Variants in IGF1R observed in about 807,000 individuals in gnomAD.
IGF1R encodes the protein insulin like growth factor 1 receptor, also known as insulin-like growth factor 1 receptor.
In IGF1R, 44 loss-of-function variants were observed where a neutral mutation model predicts 144.6. The observed-to-expected ratio is 0.30, with a 90% CI of 0.24 to 0.39. IGF1R has a LOEUF of 0.39. Ranked by LOEUF, IGF1R falls within the 10% of genes least tolerant of loss-of-function variation. IGF1R has a pLI of 1.00. For synonymous variants in IGF1R, 795 were observed against 722.8 expected (o/e 1.10, Z -1.60); for missense variants, 1,355 against 1,833.7 (o/e 0.74, Z 4.77).
At chr15:98,650,205 G>A (rs2052319874) in intron 1 of IGF1R, among the ~76,000 whole-genome samples, 1 of 152,068 alleles carries the variant, frequency 6.6e-6, no homozygotes, top group African/African-American at 2.4e-5. Context: ...GGGGGGAGGT[G>A]CCCTGCGGAG....
At position 98,958,592 on chromosome 15, in the gene IGF1R, G is replaced by A. The variant is rs547944915; in HGVS notation, c.*1150G>A. ...TTCTCTGTTCCTAGGACTTCTTCAT[G>A]GGTCTTACAGTTCTATGTTAGACCA... On this transcript the variant is annotated 3_prime_UTR_variant, in exon 21 of 21. Transcript: ENST00000650285. 2.6e-5 allele frequency: 6 copies of A among 232,800 alleles called. No individual in the cohort carries two copies. In the East Asian group the frequency reaches 3.0e-4, roughly 12 times the overall value. 14.4% of individuals were successfully genotyped at this position (232,800 alleles called of 1,614,324 possible).
chr15:98,666,422 T>C (rs899011344), intron 1 of IGF1R, among the ~76,000 whole-genome samples: 1 of 152,174 alleles, frequency 6.6e-6, no homozygotes, highest in South Asian at 2.1e-4. Flanking sequence ...CGAACAGATA[T>C]TTGTACACCC....
chr15:98,712,143 C>G (rs1423764614), intron 2 of IGF1R, among the ~76,000 whole-genome samples: 3 of 152,106 alleles, frequency 2.0e-5, no homozygotes, highest in Non-Finnish European at 4.4e-5. Flanking sequence ...TCTCTTTTCA[C>G]TTTCCTTGTT....
chr15:98,709,840 C>T (rs571577519), intron 2 of IGF1R, among the ~76,000 whole-genome samples: 9 of 152,178 alleles, frequency 5.9e-5, no homozygotes, highest in South Asian at 2.1e-4. Context: ...CCATATGAAA[C>T]GTCATTAAGT....
At chr15:98,800,411 T>C (rs2056336102) in intron 2 of IGF1R, among the ~76,000 whole-genome samples, 1 of 152,190 alleles carries the variant, frequency 6.6e-6, no homozygotes, top group Non-Finnish European at 1.5e-5. Context: ...AATTACCTCT[T>C]TGGGAGTTGT....
rs758048090 is a variant in IGF1R, at chr15:98,948,670, C to T, written c.3684C>T (p.Gly1228=). 8 of 1,614,018 alleles carry T rather than the reference C, an allele frequency of 5.0e-6. No homozygotes were observed. Among genetic ancestry groups the T allele is most frequent in the Admixed American group, 1.7e-5 (1 of 60,016 alleles). Residue 1228 remains glycine, a synonymous_variant, in exon 20 of 21, where the codon GGC becomes GGT. Transcript: ENST00000650285. ...NEQVLRFVME[G]GLLDKPDNCP... ...AAGTCCTTCGCTTCGTCATGGAGGGCGGCCTTCTGGACAAGCCAGACAACT... is the reference window on the plus strand; with the variant it reads ...AAGTCCTTCGCTTCGTCATGGAGGGTGGCCTTCTGGACAAGCCAGACAACT...
chr15:98,944,197 G>GA (rs1163313588), intron 19 of IGF1R, among the ~76,000 whole-genome samples: 2 of 152,146 alleles, frequency 1.3e-5, no homozygotes, highest in Non-Finnish European at 2.9e-5. Flanking sequence ...TAATAAAATA[G>GA]AAAACTATAC....
chr15:98,684,365 CTG>C (rs1454874616), intron 1 of IGF1R, among the ~76,000 whole-genome samples: 1 of 123,970 alleles, frequency 8.1e-6, no homozygotes, highest in Non-Finnish European at 1.6e-5. Flanking sequence ...AACTGTAGCT[CTG>C]TGGGGTTTTT....
At chr15:98,767,305 T>C (rs943143123) in intron 2 of IGF1R, among the ~76,000 whole-genome samples, 4 of 152,214 alleles carry the variant, frequency 2.6e-5, no homozygotes, top group African/African-American at 9.6e-5. Context: ...CCATTCTTCT[T>C]TTCCAGGCAG....
At chr15:98,831,227 T>C (rs2056995771) in intron 2 of IGF1R, among the ~76,000 whole-genome samples, 1 of 152,238 alleles carries the variant, frequency 6.6e-6, no homozygotes, top group South Asian at 2.1e-4. Flanking sequence ...ATGCTTTCTT[T>C]TCCATTTATT....
chr15:98,651,667 C>G (rs2871865), intron 1 of IGF1R, among the ~76,000 whole-genome samples: 30,559 of 152,118 alleles, frequency 0.2, 4,706 homozygotes, highest in African/African-American at 0.43. Context: ...GAAGGATATT[C>G]TTTGTGCAAG....
chr15:98,713,531 C>T lies in IGF1R; in HGVS notation c.640+5424C>T, dbSNP rs551133400. Among the ~76,000 whole-genome samples the T allele has an allele frequency of 7.2e-5, 11 of 152,104 alleles. 1 individual carries two copies. The South Asian group carries it at 2.3e-3, about 32-fold the overall frequency. On this transcript the variant is annotated intron_variant, in intron 2 of 20. Coordinates refer to ENST00000650285, the MANE Select transcript of IGF1R (RefSeq NM_000875.5). ...CTGCCATTGTGGGGATGATTCCAGG[C>T]CAAAGATGATGGAGAAGTATGGAAA...
intron 8 of IGF1R, 96 bp from the exon 9 acceptor site, chr15:98,915,868 C>A: frequency 9.0e-7 from 1 of 1,106,762 alleles, no homozygotes; most frequent in Non-Finnish European, 1.4e-6. Flanking sequence ...TTATCCAGGT[C>A]AAACTGGCAG....
rs998974068 is a variant in IGF1R at position 98,960,823 on chromosome 15, T to A, written c.*3381T>A. ...CTGCCCTCTCAACTTCTCCCTCACC[T>A]CCTTCCCTAGGGGTAGACAGAGATG... On this transcript the variant is annotated 3_prime_UTR_variant, in exon 21 of 21. Coordinates refer to ENST00000650285, the MANE Select transcript of IGF1R (RefSeq NM_000875.5). 18 of 233,548 alleles carry A rather than the reference T, an allele frequency of 7.7e-5. No homozygotes were observed. Among genetic ancestry groups the A allele is most frequent in the Admixed American group, 1.7e-4 (3 of 17,778 alleles). 14.5% of individuals were successfully genotyped at this position (233,548 alleles called of 1,614,324 possible). A position where few individuals can be genotyped will look rare whatever the true frequency, so the allele number is the denominator to read the frequency against.
chr15:98,804,080 A>C (rs947209868), intron 2 of IGF1R, among the ~76,000 whole-genome samples: 1 of 152,216 alleles, frequency 6.6e-6, no homozygotes, highest in African/African-American at 2.4e-5. Context: ...TTACAGGACC[A>C]CTATCGTATA....
intron 2 of IGF1R, among the ~76,000 whole-genome samples, chr15:98,740,719 C>G (rs928683232): frequency 1.3e-5 from 2 of 152,200 alleles, no homozygotes; most frequent in Non-Finnish European, 2.9e-5. Context: ...CCTAAAATCT[C>G]TGTGCTGTGT....
intron 1 of IGF1R, among the ~76,000 whole-genome samples, chr15:98,679,880 G>A (rs1197036347): frequency 5.9e-5 from 9 of 151,916 alleles, no homozygotes; most frequent in Non-Finnish European, 1.3e-4. Context: ...TGGATGATCC[G>A]GACCCTTTGT....
Position 98,951,230 on chromosome 15 carries a change from G to T in IGF1R, c.3722+2522G>T, listed in dbSNP as rs564636781. Among the ~76,000 whole-genome samples the T allele has an allele frequency of 5.9e-5, 9 of 152,336 alleles. No individual in the cohort carries two copies. In the East Asian group the frequency reaches 1.7e-3, roughly 29 times the overall value. On this transcript the variant is annotated intron_variant, in intron 20 of 20. Transcript: ENST00000650285. ...AAGGCAGGGCCAGAACCAGAAAGTC[G>T]GCTGGTGCCCTGGGCCTGGGCCAGT... is the stretch of plus-strand genomic sequence containing the variant.
chr15:98,744,575 G>C (rs2054820758), intron 2 of IGF1R, among the ~76,000 whole-genome samples: 1 of 152,038 alleles, frequency 6.6e-6, no homozygotes, highest in Non-Finnish European at 1.5e-5. Flanking sequence ...GAGATAGAGG[G>C]GGGCTAAAAG....
Sources: allele counts gnomAD v4.1 joint callset (sites outside exome capture counted in the v4.1 genomes callset), GRCh38; gene constraint gnomAD v4.1.1; transcripts MANE v1.5; gene names NCBI Gene and HGNC (gene_info 2026-07-23, HGNC 2026-07-21).